CFAP46: variants seen among roughly 807,000 people sequenced by gnomAD.
The protein encoded by CFAP46 is cilia and flagella associated protein 46.
CFAP46 carries 245 observed loss-of-function variants against 325.7 expected under a neutral mutation model. That is an observed-to-expected ratio of 0.75 (90% CI 0.68 to 0.84). The LOEUF (loss-of-function observed/expected upper bound fraction) is 0.84. Among genes scored for constraint, CFAP46 ranks in the 40% least tolerant of loss-of-function variants. The pLI is 0.00. For synonymous variants in CFAP46, 1,523 were observed against 1,495.9 expected (o/e 1.02, Z -0.42); for missense variants, 3,346 against 3,543.0 (o/e 0.94, Z 1.41).
At chr10:132,927,328 CGCCTCCGTCCCGGGG>C (rs1849826333) in intron 9 of CFAP46, among the ~76,000 whole-genome samples, 1 of 151,042 alleles carries the variant, frequency 6.6e-6, no homozygotes, top group African/African-American at 2.5e-5. Context: ...CGGCGGCAGA[CGCCTCCGTCCCGGGG>C]AGCAGGTCCT....
intron 50 of CFAP46, among the ~76,000 whole-genome samples, chr10:132,826,096 A>G (rs1352809718): frequency 2.2e-5 from 3 of 137,600 alleles, no homozygotes; most frequent in Non-Finnish European, 3.2e-5. Context: ...AGCCGGAGCC[A>G]CAGAGACCAG....
chr10:132,872,443 G>C (rs2135314912), intron 32 of CFAP46: 2 of 508,628 alleles, frequency 3.9e-6, no homozygotes, highest in Admixed American at 3.2e-5. Context: ...ATTTTTTGTA[G>C]AGATGGGGTC....
Position 132,922,141 on chromosome 10 carries a change from C to T in CFAP46, c.1569G>A (p.Ala523=), listed in dbSNP as rs779271133. The part of the protein sequence containing the change: ...VNAGLALAPD[A]FQIVLDSENE... ...TCTCACTGTCCAGCACAATCTGAAA[C>T]GCGTCAGGGGCTAAGGCCAGGCCTG... The change falls in exon 13 of 58, where the codon GCG becomes GCA. Residue 523 remains alanine, a synonymous_variant. Coordinates refer to ENST00000368586, the MANE Select transcript of CFAP46 (RefSeq NM_001200049.3). The T allele has an allele frequency of 1.2e-5, 18 of 1,550,272 alleles. No individual in the cohort carries two copies. Among genetic ancestry groups the T allele is most frequent in the East Asian group, 4.9e-5 (2 of 40,934 alleles).
chr10:132,898,093 G>A (rs1333020295), intron 24 of CFAP46, among the ~76,000 whole-genome samples: 1 of 152,194 alleles, frequency 6.6e-6, no homozygotes, highest in Admixed American at 6.5e-5. Context: ...CTGATTCCTG[G>A]TTACAGCTGA....
intron 17 of CFAP46, 119 bp from the exon 18 acceptor site, chr10:132,913,377 G>GTCAATGT: frequency 1.8e-6 from 1 of 563,794 alleles, no homozygotes; most frequent in Non-Finnish European, 3.1e-6. Context: ...GGAGGGGCGG[G>GTCAATGT]TGGGCGGCGA....
At position 132,937,025 on chromosome 10, in the gene CFAP46, A is replaced by G; in HGVS notation, c.691T>C (p.Leu231=). The G allele has an allele frequency of 6.5e-7, 1 of 1,532,682 alleles. No homozygotes were observed. Among genetic ancestry groups the G allele is most frequent in the Non-Finnish European group, 8.9e-7 (1 of 1,129,360 alleles). 94.9% of individuals were successfully genotyped at this position (1,532,682 alleles called of 1,614,324 possible). The part of the protein sequence containing the change: ...VRHELMDELQ[L]KEEKKNSISL... ...ATGGAATTTTTCTTTTCTTCCTTTA[A>G]CTGAAGTTCGTCCATTAATTCATGA... The change falls in exon 7 of 58, where the codon TTA becomes CTA. Residue 231 remains leucine (L), a synonymous_variant. Coordinates refer to ENST00000368586, the MANE Select transcript of CFAP46 (RefSeq NM_001200049.3).
chr10:132,925,698 G>A (rs1476524312), intron 10 of CFAP46, among the ~76,000 whole-genome samples: 3 of 152,268 alleles, frequency 2.0e-5, no homozygotes, highest in Non-Finnish European at 4.4e-5. Flanking sequence ...TCAGCCCCAC[G>A]GAGGCAGACC....
chr10:132,879,308 T>G (rs1255221190), intron 29 of CFAP46, 118 bp downstream of exon 29: 1 of 1,013,566 alleles, frequency 9.9e-7, no homozygotes, highest in Non-Finnish European at 1.4e-6. Context: ...ATCTCAAAGG[T>G]CTTTAGGAAA....
At chr10:132,822,678 C>CTG (rs1302547660) in intron 50 of CFAP46, among the ~76,000 whole-genome samples, 2 of 115,070 alleles carry the variant, frequency 1.7e-5, no homozygotes, top group African/African-American at 3.5e-5. Context: ...CTTGTGTGTG[C>CTG]TGTGTGTGCT....
chr10:132,937,374 C>A, intron 6 of CFAP46, 178 bp downstream of exon 6: 1 of 713,748 alleles, frequency 1.4e-6, no homozygotes, highest in South Asian at 2.0e-5. Context: ...TTCTATACAT[C>A]TTTGCATTGG....
chr10:132,908,526 T>C lies in CFAP46; in HGVS notation c.2866A>G (p.Met956Val), dbSNP rs565735372. The C allele has an allele frequency of 3.9e-6, 6 of 1,550,550 alleles. No homozygotes were observed. Among genetic ancestry groups the C allele is most frequent in the African/African-American group, 1.4e-5 (1 of 73,186 alleles). The change falls in exon 22 of 58, where the codon ATG becomes GTG. Residue 956 changes from methionine (M) to valine (V), a missense_variant. Physicochemically the swap from Met to Val is conservative, Grantham distance 21 (BLOSUM62 1). Coordinates refer to ENST00000368586, the MANE Select transcript of CFAP46 (RefSeq NM_001200049.3). ...TCCAGAGCCCTGTGAGCACAGGCCATGGTGGTCTCATGGTCACGCGCTGCA... is the reference window on the plus strand; with the variant it reads ...TCCAGAGCCCTGTGAGCACAGGCCACGGTGGTCTCATGGTCACGCGCTGCA... The part of the protein sequence containing the change: ...AHAARDHETT[M>V]ACAHRALEMG...
intron 34 of CFAP46, 98 bp from the exon 35 acceptor site, chr10:132,866,269 A>G (rs1591062740): frequency 7.8e-7 from 1 of 1,276,246 alleles, no homozygotes; most frequent in Non-Finnish European, 1.0e-6. Flanking sequence ...TGTACCACAC[A>G]GGGAGCCACA....
rs142682760 is a variant in CFAP46 at position 132,827,198 on chromosome 10, C to T, written c.7117+6160G>A. ...CATGCAGGGCAGACACAACCCCACACGGTGCTCGTCAGGGGAAGGCAGGAG... is the reference window on the plus strand; with the variant it reads ...CATGCAGGGCAGACACAACCCCACATGGTGCTCGTCAGGGGAAGGCAGGAG... On this transcript the variant is annotated intron_variant, in intron 50 of 57. Transcript: ENST00000368586. This position sits in a 1 kb window ranked among gnomAD's most constrained non-coding sequence, Gnocchi z 5.7. Among the ~76,000 whole-genome samples the T allele has an allele frequency of 5.3e-5, 8 of 152,182 alleles. No homozygotes were observed. The highest frequency in any genetic ancestry group is 2.1e-4 in the South Asian group (1 of 4,826).
chr10:132,878,157 TC>T, intron 29 of CFAP46, 70 bp from the exon 30 acceptor site: 1 of 1,421,592 alleles, frequency 7.0e-7, no homozygotes, highest in South Asian at 1.2e-5. Flanking sequence ...CACCCTCCAC[TC>T]CTGGATGAGG....
Position 132,941,079 on chromosome 10 carries a change from G to A in CFAP46, c.307-19C>T, listed in dbSNP as rs756108727. On this transcript the variant is annotated intron_variant, in intron 3 of 57. Transcript: ENST00000368586. ...ATTCCTCCTAAGGCAACATAAAGAA[G>A]CACAATTAGACCGAAATACTGACCC... The A allele has an allele frequency of 1.4e-5, 23 of 1,613,630 alleles. No homozygotes were observed. The highest frequency in any genetic ancestry group is 1.8e-5 in the Non-Finnish European group (21 of 1,179,734).
rs1848259002 is a variant in CFAP46 at position 132,836,908 on chromosome 10, G to T, written c.6445C>A (p.Gln2149Lys). 2 of 1,613,738 alleles carry T rather than the reference G, an allele frequency of 1.2e-6. No individual in the cohort carries two copies. Reference protein sequence around the residue: ...QRLAAVSKAWQNLCVTEQHFN... With the variant: ...QRLAAVSKAWKNLCVTEQHFN... ...TGCTGCTCAGTGACGCAGAGATTTT[G>T]CCAAGCCTGTGTGGCGAAAAACGGC... Residue 2149 changes from glutamine to lysine, a missense_variant, in exon 45 of 58, where the codon CAA becomes AAA. Transcript: ENST00000368586.
intron 24 of CFAP46, among the ~76,000 whole-genome samples, chr10:132,893,059 T>C (rs1291517055): frequency 1.3e-5 from 2 of 152,144 alleles, no homozygotes; most frequent in Admixed American, 1.3e-4. Context: ...CCCGATAAGA[T>C]CTCAGGAGTT....
intron 47 of CFAP46, 81 bp downstream of exon 47, chr10:132,835,223 C>A (rs1468103186): frequency 1.3e-6 from 2 of 1,560,986 alleles, no homozygotes; most frequent in Non-Finnish European, 1.7e-6. Flanking sequence ...CGCCCCTCCC[C>A]CCACCTCGCC....
At chr10:132,824,755 A>G (rs1296116083) in intron 50 of CFAP46, among the ~76,000 whole-genome samples, 3 of 62,028 alleles carry the variant, frequency 4.8e-5, no homozygotes, top group African/African-American at 1.6e-4. Flanking sequence ...GTGCTGTGTG[A>G]GTGCTGATGT....
Sources: gnomAD v4.1 joint callset for allele counts (sites outside exome capture counted in the v4.1 genomes callset) on GRCh38, gnomAD v4.1.1 for gene constraint, Gnocchi (gnomAD v3.1) non-coding constraint, MANE v1.5 for transcripts, NCBI Gene and HGNC (gene_info 2026-07-23, HGNC 2026-07-21) for gene names.